VRK2: variants seen among roughly 807,000 people sequenced by gnomAD.
The protein encoded by VRK2 is serine/threonine-protein kinase VRK2.
A neutral mutation model predicts 57.6 loss-of-function variants in VRK2; 60 were observed. The ratio of observed to expected loss-of-function variants is 1.04; its 90% confidence interval spans 0.85 to 1.29. VRK2 has a LOEUF of 1.29. VRK2 is among the 50% of genes most tolerant of loss of function. VRK2 has a pLI of 0.00. For missense variants in VRK2, 705 were observed against 588.1 expected (o/e 1.20, Z -2.06); for synonymous variants, 231 against 199.2 (o/e 1.16, Z -1.35).
At chr2:58,146,866 G>C (rs1682234454) in intron 12 of VRK2, among the ~76,000 whole-genome samples, 1 of 151,872 alleles carries the variant, frequency 6.6e-6, no homozygotes, top group African/African-American at 2.4e-5. Flanking sequence ...TTAAAATGAT[G>C]TATTTTTTAC....
At chr2:58,042,402 T>C (rs1400871506), upstream of VRK2, among the ~76,000 whole-genome samples, 7 of 152,122 alleles carry the variant, frequency 4.6e-5, no homozygotes, top group South Asian at 6.2e-4. Flanking sequence ...TGTTTAGAGA[T>C]TGTAAGTTTA....
chr2:57,948,641 A>T (rs1041731778), intron 1 of VRK2, among the ~76,000 whole-genome samples: 10 of 152,180 alleles, frequency 6.6e-5, no homozygotes, highest in Non-Finnish European at 8.8e-5. Flanking sequence ...TGATCAGAAT[A>T]AGAAACATTC....
At chr2:58,077,839 G>A (rs1376518304) in intron 2 of VRK2, among the ~76,000 whole-genome samples, 1 of 152,018 alleles carries the variant, frequency 6.6e-6, no homozygotes, top group African/African-American at 2.4e-5. Context: ...CTTCATGCAT[G>A]GAAATTTGTC....
At chr2:58,004,301 G>A (rs1673179137) in intron 1 of VRK2, among the ~76,000 whole-genome samples, 1 of 152,126 alleles carries the variant, frequency 6.6e-6, no homozygotes, top group Admixed American at 6.5e-5. Flanking sequence ...AAGCCACTGT[G>A]TATTCTCTGA....
At chr2:57,984,084 T>C (rs775710089) in intron 1 of VRK2, among the ~76,000 whole-genome samples, 7 of 152,168 alleles carry the variant, frequency 4.6e-5, no homozygotes, top group Non-Finnish European at 8.8e-5. Flanking sequence ...ATTAAAGACT[T>C]TGAGTTTTGT....
intron 10 of VRK2, among the ~76,000 whole-genome samples, chr2:58,137,193 C>CATGTGTTT (rs1680523089): frequency 2.2e-5 from 1 of 45,372 alleles, no homozygotes; most frequent in Non-Finnish European, 3.6e-5. Flanking sequence ...ATATATGATA[C>CATGTGTTT]ATATATATCT....
rs1679252297 is a variant in VRK2, at chr2:58,131,896, G to A, written c.765G>A (p.Lys255=). The stretch of plus-strand genomic sequence containing the variant: ...AACTTCCCTGGGAACAGAACCTGAA[G>A]GACCCTGTGGCTGTGCAGACTGCTA... ...CGKLPWEQNL[K]DPVAVQTAKT... Residue 255 remains lysine, a synonymous_variant, in exon 9 of 13, where the codon AAG becomes AAA. Coordinates refer to ENST00000340157, the MANE Select transcript of VRK2 (RefSeq NM_006296.7). 6.2e-7 allele frequency: 1 copy of A among 1,613,998 alleles called. No individual in the cohort carries two copies. The highest frequency in any genetic ancestry group is 1.1e-5 in the South Asian group (1 of 91,086).
chr2:57,944,618 C>G (rs1274065604), intron 1 of VRK2, among the ~76,000 whole-genome samples: 1 of 152,132 alleles, frequency 6.6e-6, no homozygotes, highest in South Asian at 2.1e-4. Context: ...CGCCTGTAAT[C>G]CCAGCTACTC....
chr2:58,153,613 G>A lies in VRK2; in HGVS notation c.1183-5736G>A, dbSNP rs59254222. On this transcript the variant is annotated intron_variant, in intron 12 of 12. Coordinates refer to ENST00000340157, the MANE Select transcript of VRK2 (RefSeq NM_006296.7). The stretch of plus-strand genomic sequence containing the variant: ...TTTTATATGTTGCTGGATTTAATTT[G>A]CTAGTATTTTAATGAGGAGTTTTAC... 4.8e-3 allele frequency among the ~76,000 whole-genome samples: 726 copies of A among 152,116 alleles called. 8 individuals carry two copies. Among genetic ancestry groups the A allele is most frequent in the African/African-American group, 0.017 (707 of 41,540 alleles).
intron 8 of VRK2, among the ~76,000 whole-genome samples, chr2:58,126,849 A>T (rs1678426794): frequency 6.6e-6 from 1 of 152,104 alleles, no homozygotes; most frequent in African/African-American, 2.4e-5. Flanking sequence ...ATAGTATTTT[A>T]AAATTGGTTA....
At chr2:58,017,784 G>A (rs1434251756) in intron 1 of VRK2, among the ~76,000 whole-genome samples, 1 of 152,126 alleles carries the variant, frequency 6.6e-6, no homozygotes, top group East Asian at 1.9e-4. Flanking sequence ...AGGGAAGTCA[G>A]TTACCTTATT....
chr2:57,943,382 G>A (rs1012878786), intron 1 of VRK2, among the ~76,000 whole-genome samples: 1 of 152,140 alleles, frequency 6.6e-6, no homozygotes, highest in Non-Finnish European at 1.5e-5. Context: ...AAAGTTTATG[G>A]TCAGGAGTAA....
chr2:58,068,161 C>A (rs1194328672), intron 2 of VRK2, among the ~76,000 whole-genome samples: 3 of 152,126 alleles, frequency 2.0e-5, no homozygotes, highest in Non-Finnish European at 4.4e-5. Flanking sequence ...AACTCCTAAC[C>A]TCAAGTGATC....
intron 1 of VRK2, among the ~76,000 whole-genome samples, chr2:57,996,074 A>AT (rs1272591128): frequency 6.6e-6 from 1 of 152,236 alleles, no homozygotes; most frequent in African/African-American, 2.4e-5. Context: ...ATTAGGTATT[A>AT]TAAGTAACCT....
At chr2:57,976,894 G>T (rs1490433709) in intron 1 of VRK2, among the ~76,000 whole-genome samples, 1 of 152,072 alleles carries the variant, frequency 6.6e-6, no homozygotes, top group East Asian at 1.9e-4. Context: ...GTTGATTTTT[G>T]TATATGGTGA....
chr2:57,972,554 G>A (rs1297079997), intron 1 of VRK2, among the ~76,000 whole-genome samples: 1 of 151,842 alleles, frequency 6.6e-6, no homozygotes, highest in African/African-American at 2.4e-5. Flanking sequence ...ATCTCTTGGA[G>A]TGATTAGTTT....
intron 1 of VRK2, among the ~76,000 whole-genome samples, chr2:57,949,069 G>A (rs975174534): frequency 2.0e-5 from 3 of 151,106 alleles, no homozygotes; most frequent in Non-Finnish European, 4.4e-5. Flanking sequence ...GGGAGTGGTG[G>A]TGGGGGACAG....
At chr2:58,103,225 A>G (rs1369241209) in intron 7 of VRK2, among the ~76,000 whole-genome samples, 1 of 151,702 alleles carries the variant, frequency 6.6e-6, no homozygotes, top group Non-Finnish European at 1.5e-5. Context: ...TAAATAGCAA[A>G]GATCAGAGCA....
chr2:58,158,569 A>ATTTCT (rs1395305993), intron 12 of VRK2, among the ~76,000 whole-genome samples: 4 of 152,144 alleles, frequency 2.6e-5, no homozygotes, highest in Middle Eastern at 3.4e-3. Flanking sequence ...TGTTTTATAA[A>ATTTCT]TTTCTTCTCT....
Sources: gnomAD v4.1 joint callset for allele counts (sites outside exome capture counted in the v4.1 genomes callset) on GRCh38, gnomAD v4.1.1 for gene constraint, MANE v1.5 for transcripts, NCBI Gene and HGNC (gene_info 2026-07-23, HGNC 2026-07-21) for gene names.